The following TTC12 variants were observed in gnomAD, a reference collection of about 807,000 sequenced individuals.
TTC12 encodes the protein tetratricopeptide repeat domain 12.
Under a neutral mutation model 90.1 loss-of-function variants are expected in TTC12, and 70 were observed. The ratio of observed to expected loss-of-function variants is 0.78; its 90% CI spans 0.64 to 0.95. The LOEUF (loss-of-function observed/expected upper bound fraction) is 0.95, where lower values mean the gene tolerates loss of function less well. Ranked by LOEUF, TTC12 falls within the 40% of genes least tolerant of loss-of-function variation. The pLI is 0.00. For missense variants in TTC12, 819 were observed against 846.1 expected (o/e 0.97, Z 0.40); for synonymous variants, 296 against 311.5 (o/e 0.95, Z 0.53).
intron 6 of TTC12, among the ~76,000 whole-genome samples, chr11:113,328,369 C>G (rs1400794543): frequency 6.6e-6 from 1 of 152,184 alleles, no homozygotes; most frequent in Non-Finnish European, 1.5e-5. Context: ...TTATATTCCT[C>G]TAGTCCTTAG....
At chr11:113,319,818 C>T (rs1051602548) in intron 2 of TTC12, among the ~76,000 whole-genome samples, 2 of 152,126 alleles carry the variant, frequency 1.3e-5, no homozygotes, top group African/African-American at 4.8e-5. Flanking sequence ...AAGATTTGCA[C>T]ACATAACAGG....
At chr11:113,364,670 G>A (rs1950108853) in intron 20 of TTC12, 165 bp from the exon 21 acceptor site, 2 of 627,650 alleles carry the variant, frequency 3.2e-6, no homozygotes, top group Non-Finnish European at 2.9e-6. Context: ...AGGTTCATAT[G>A]CATTCAGTGA....
intron 16 of TTC12, among the ~76,000 whole-genome samples, chr11:113,356,276 G>A (rs1949631341): frequency 6.6e-6 from 1 of 151,956 alleles, no homozygotes. Flanking sequence ...CTTTTTTTCT[G>A]TTTTCCATTT....
intron 16 of TTC12, among the ~76,000 whole-genome samples, chr11:113,357,664 C>T (rs1555152974): frequency 6.6e-6 from 1 of 152,164 alleles, no homozygotes; most frequent in African/African-American, 2.4e-5. Flanking sequence ...GTGGCTTCAG[C>T]TGACTGGCTT....
chr11:113,364,701 G>A, intron 20 of TTC12, 134 bp from the exon 21 acceptor site: 1 of 689,592 alleles, frequency 1.5e-6, no homozygotes. Context: ...ATGAGTAAGT[G>A]AACAAGTTCT....
intron 16 of TTC12, among the ~76,000 whole-genome samples, chr11:113,353,380 T>C (rs1435443371): frequency 1.3e-5 from 2 of 152,230 alleles, no homozygotes; most frequent in Non-Finnish European, 2.9e-5. Flanking sequence ...CCTTGTCAGA[T>C]GCATAGTTTG....
At chr11:113,332,422 G>A (rs1405680077) in intron 7 of TTC12, among the ~76,000 whole-genome samples, 10 of 152,202 alleles carry the variant, frequency 6.6e-5, no homozygotes, top group Admixed American at 1.3e-4. Flanking sequence ...CTTGGGGCTC[G>A]GTTTCCCCCG....
At chr11:113,364,771 C>A in intron 20 of TTC12, 64 bp from the exon 21 acceptor site, 1 of 1,394,676 alleles carries the variant, frequency 7.2e-7, no homozygotes, top group Non-Finnish European at 1.0e-6. Flanking sequence ...CCCTCATGTC[C>A]TGTTGCCAGC....
intron 9 of TTC12, 87 bp downstream of exon 9, chr11:113,338,921 C>T: frequency 8.2e-7 from 1 of 1,224,596 alleles, no homozygotes; most frequent in Non-Finnish European, 1.2e-6. Context: ...TTTCACTGCC[C>T]TTGGCCACTA....
chr11:113,348,383 C>G (rs782547568), intron 13 of TTC12, among the ~76,000 whole-genome samples: 3 of 152,190 alleles, frequency 2.0e-5, no homozygotes, highest in Admixed American at 6.5e-5. Context: ...TAGTTCTCCT[C>G]TACTGTCTCC....
intron 8 of TTC12, among the ~76,000 whole-genome samples, chr11:113,337,375 G>C (rs1370580069): frequency 2.0e-5 from 3 of 152,192 alleles, no homozygotes; most frequent in Non-Finnish European, 4.4e-5. Context: ...GTGGTAAGTA[G>C]CATTGAGAAA....
In TTC12 at chr11:113,365,049, A is replaced by G. The variant is rs2138087854; in HGVS notation, c.2031A>G (p.Thr677=). 1 of 1,613,854 alleles carries G rather than the reference A, an allele frequency of 6.2e-7. No individual in the cohort carries two copies. The highest frequency in any genetic ancestry group is 2.2e-5 in the East Asian group (1 of 44,866). Residue 677 remains threonine, a synonymous_variant, in exon 21 of 22, where the codon ACA becomes ACG. Transcript: ENST00000529221. The part of the protein sequence containing the change: ...NAGIALGKLC[T]AEPRFAAQLR... ...GCATTGCTCTGGGGAAGCTGTGCACAGCTGAGCCCAGGTATGCTGTGGACA... is the reference window on the plus strand; with the variant it reads ...GCATTGCTCTGGGGAAGCTGTGCACGGCTGAGCCCAGGTATGCTGTGGACA...
At chr11:113,336,938 A>G (rs1328271017) in intron 8 of TTC12, among the ~76,000 whole-genome samples, 1 of 152,240 alleles carries the variant, frequency 6.6e-6, no homozygotes, top group African/African-American at 2.4e-5. Context: ...CAATTTGGCA[A>G]GTACTGCTAT....
At chr11:113,336,409 T>C (rs1472830115) in intron 8 of TTC12, among the ~76,000 whole-genome samples, 3 of 152,210 alleles carry the variant, frequency 2.0e-5, no homozygotes, top group Non-Finnish European at 4.4e-5. Flanking sequence ...CCTATTTTTC[T>C]TTGGTTGCTT....
chr11:113,341,997 T>C, intron 12 of TTC12, 72 bp downstream of exon 12: 1 of 1,336,362 alleles, frequency 7.5e-7, no homozygotes, highest in Non-Finnish European at 1.1e-6. Flanking sequence ...GGGTGGACTG[T>C]CCTCCCCAAA....
intron 13 of TTC12, among the ~76,000 whole-genome samples, chr11:113,347,673 T>C (rs782284314): frequency 4.6e-5 from 7 of 152,154 alleles, no homozygotes; most frequent in African/African-American, 1.7e-4. Flanking sequence ...TATCTGAAAA[T>C]ACTGATATAT....
At chr11:113,356,484 G>A (rs547474252) in intron 16 of TTC12, among the ~76,000 whole-genome samples, 26 of 152,274 alleles carry the variant, frequency 1.7e-4, no homozygotes, top group Admixed American at 1.5e-3. Flanking sequence ...TCCCATCATC[G>A]TGATATTAGA....
chr11:113,337,468 A>C (rs1222728859), intron 8 of TTC12, among the ~76,000 whole-genome samples: 3 of 152,186 alleles, frequency 2.0e-5, no homozygotes, highest in African/African-American at 7.2e-5. Flanking sequence ...GAGTGACGTG[A>C]GCAAACCATG....
intron 16 of TTC12, among the ~76,000 whole-genome samples, chr11:113,355,150 G>C (rs1555151986): frequency 6.6e-6 from 1 of 152,010 alleles, no homozygotes; most frequent in Non-Finnish European, 1.5e-5. Flanking sequence ...TTATTGGTTT[G>C]TTCAGGGATT....
Sources: allele counts gnomAD v4.1 joint callset (sites outside exome capture counted in the v4.1 genomes callset), GRCh38; gene constraint gnomAD v4.1.1; transcripts MANE v1.5; gene names NCBI Gene and HGNC (gene_info 2026-07-23, HGNC 2026-07-21).